The following OS9 variants were observed in gnomAD, a reference collection of about 807,000 sequenced individuals.
OS9 encodes protein OS-9.
A neutral mutation model predicts 84.7 loss-of-function variants in OS9; 58 were observed. That is an observed-to-expected ratio of 0.68 (90% CI 0.55 to 0.85). The LOEUF (loss-of-function observed/expected upper bound fraction) is 0.85. Among genes scored for constraint, OS9 ranks in the 40% least tolerant of loss-of-function variants. The pLI, the probability that OS9 is intolerant of heterozygous loss-of-function variation, is 0.00. For synonymous variants in OS9, 278 were observed against 320.8 expected (o/e 0.87, Z 1.43); for missense variants, 760 against 850.9 (o/e 0.89, Z 1.33).
chr12:57,702,216 T>C (rs1173917991), intron 5 of OS9, among the ~76,000 whole-genome samples: 1 of 152,206 alleles, frequency 6.6e-6, no homozygotes, highest in African/African-American at 2.4e-5. Flanking sequence ...TTTCCAAAAC[T>C]TTTTTCATCA....
At chr12:57,706,935 G>A (rs1260476236) in intron 5 of OS9, among the ~76,000 whole-genome samples, 2 of 150,532 alleles carry the variant, frequency 1.3e-5, no homozygotes, top group Non-Finnish European at 1.5e-5. Flanking sequence ...TGGGGGGATC[G>A]TTGTTGCTAC....
At chr12:57,720,608 A>T in intron 14 of OS9, 90 bp downstream of exon 14, 1 of 1,289,388 alleles carries the variant, frequency 7.8e-7, no homozygotes, top group Non-Finnish European at 1.1e-6. Flanking sequence ...CTGAGCTTCC[A>T]TTTCCTGATC....
chr12:57,712,705 C>T (rs1160178965), intron 5 of OS9, among the ~76,000 whole-genome samples: 1 of 151,944 alleles, frequency 6.6e-6, no homozygotes, highest in African/African-American at 2.4e-5. Context: ...AATTCCTGCC[C>T]TCCACCCCAT....
intron 5 of OS9, among the ~76,000 whole-genome samples, chr12:57,697,870 C>A (rs573535519): frequency 6.9e-6 from 1 of 145,342 alleles, no homozygotes; most frequent in South Asian, 2.2e-4. Context: ...CAAACACACA[C>A]ACACACACAC....
intron 5 of OS9, among the ~76,000 whole-genome samples, chr12:57,700,049 C>T (rs780923700): frequency 4.6e-5 from 7 of 151,356 alleles, no homozygotes; most frequent in Non-Finnish European, 8.8e-5. Context: ...GAGCTGATAT[C>T]GCACCATTGC....
At chr12:57,713,127 A>G (rs190463845) in intron 5 of OS9, among the ~76,000 whole-genome samples, 42 of 152,252 alleles carry the variant, frequency 2.8e-4, no homozygotes, top group Middle Eastern at 3.4e-3. Context: ...AGCTGTCCCA[A>G]GGTTTAGCCT....
At chr12:57,701,656 C>T (rs1954029707) in intron 5 of OS9, among the ~76,000 whole-genome samples, 1 of 152,110 alleles carries the variant, frequency 6.6e-6, no homozygotes, top group South Asian at 2.1e-4. Flanking sequence ...TGGGTTTCAA[C>T]TCTAATGCCC....
intron 5 of OS9, among the ~76,000 whole-genome samples, chr12:57,714,700 A>G (rs946096641): frequency 6.6e-6 from 1 of 152,134 alleles, no homozygotes; most frequent in African/African-American, 2.4e-5. Context: ...GGCTTAAGGG[A>G]TCTTCCTGCC....
At chr12:57,694,461 C>T (rs2140282102) in intron 1 of OS9, 138 bp downstream of exon 1, 1 of 954,224 alleles carries the variant, frequency 1.0e-6, no homozygotes. Context: ...ACGGTGACCC[C>T]TGGGGGTCGC....
Position 57,718,376 on chromosome 12 carries a change from G to A in OS9, c.1365G>A (p.Glu455=). Residue 455 remains glutamate, a synonymous_variant, in exon 11 of 15, where the codon GAG becomes GAA. Coordinates refer to ENST00000315970, the MANE Select transcript of OS9 (RefSeq NM_006812.4). ...CAGACCGAGACCGGCTCCGTTCGGA[G>A]GTGAAGGCTGGCATGGAGCGGGAAC... is the stretch of plus-strand genomic sequence containing the variant. ...LPSDRDRLRS[E]VKAGMERELE... 1 of 1,614,186 alleles carries A rather than the reference G, an allele frequency of 6.2e-7. No homozygotes were observed.
At position 57,694,302 on chromosome 12, in the gene OS9, G is replaced by T; in HGVS notation, c.141G>T (p.Pro47=). 6.2e-7 allele frequency: 1 copy of T among 1,614,124 alleles called. No homozygotes were observed. The highest frequency in any genetic ancestry group is 1.1e-5 in the South Asian group (1 of 91,074). The change falls in exon 1 of 15, where the codon CCG becomes CCT. Residue 47 remains proline (P), a synonymous_variant. Transcript: ENST00000315970. ...TGCGTTATGGGATCGAGATCCTGCCGTTGCCTGTCATGGGAGGGCAGGTGA... is the reference window on the plus strand; with the variant it reads ...TGCGTTATGGGATCGAGATCCTGCCTTTGCCTGTCATGGGAGGGCAGGTGA... ...SEMRYGIEIL[P]LPVMGGQSQS... is the part of the protein sequence containing the mutation.
At chr12:57,704,539 A>G (rs1448939767) in intron 5 of OS9, among the ~76,000 whole-genome samples, 3 of 150,420 alleles carry the variant, frequency 2.0e-5, no homozygotes, top group East Asian at 3.9e-4. Context: ...TCCATCTCCA[A>G]AAAAAAAAAG....
At chr12:57,719,944 CG>C in intron 12 of OS9, 154 bp from the exon 13 acceptor site, 1 of 678,482 alleles carries the variant, frequency 1.5e-6, no homozygotes. Context: ...CTGGGAGGGG[CG>C]GGGCACACAT....
rs114419550 is a variant in OS9 at position 57,719,776 on chromosome 12, C to T, written c.1601-323C>T. On this transcript the variant is annotated intron_variant, in intron 12 of 14. Transcript: ENST00000315970. Reference sequence around the variant, plus strand: ...CCAACATATGGAGGAGGAGACCACACTTTTCCAACCTGCTTCTTCAAACAG... The same window carrying T: ...CCAACATATGGAGGAGGAGACCACATTTTTCCAACCTGCTTCTTCAAACAG... 670 of 275,082 alleles carry T rather than the reference C, an allele frequency of 2.4e-3. 2 individuals carry two copies. Among genetic ancestry groups the T allele is most frequent in the African/African-American group, 0.014 (631 of 45,364 alleles). The allele number at this position is 275,082 out of a possible 1,614,324, so 17.0% of individuals were successfully genotyped here. A position where few individuals can be genotyped will look rare whatever the true frequency, so the allele number is the denominator to read the frequency against.
intron 14 of OS9, 116 bp downstream of exon 14, chr12:57,720,634 G>C (rs1342934384): frequency 7.9e-7 from 1 of 1,265,200 alleles, no homozygotes; most frequent in South Asian, 1.3e-5. Flanking sequence ...GACAAGGCTG[G>C]GGTTCCAGTG....
chr12:57,697,407 G>C (rs1953880026), intron 5 of OS9, among the ~76,000 whole-genome samples: 2 of 152,212 alleles, frequency 1.3e-5, no homozygotes, highest in Admixed American at 1.3e-4. Context: ...GGAGGTGATG[G>C]GAAGTAGTTG....
intron 5 of OS9, among the ~76,000 whole-genome samples, chr12:57,706,242 T>A (rs952931122): frequency 3.3e-5 from 5 of 152,208 alleles, no homozygotes; most frequent in African/African-American, 1.2e-4. Context: ...ACATGCTTAT[T>A]CTGTGTCTAT....
intron 5 of OS9, among the ~76,000 whole-genome samples, chr12:57,699,977 C>G (rs945111639): frequency 3.3e-5 from 5 of 152,028 alleles, no homozygotes; most frequent in African/African-American, 9.7e-5. Flanking sequence ...CGCCTGTAAT[C>G]CCAGCTACTC....
chr12:57,708,215 A>C (rs975657804), intron 5 of OS9, among the ~76,000 whole-genome samples: 4 of 152,236 alleles, frequency 2.6e-5, no homozygotes, highest in Non-Finnish European at 4.4e-5. Context: ...CTTGTCCCTC[A>C]TTAGCCTCTT....
Sources: gnomAD v4.1 joint callset for allele counts (sites outside exome capture counted in the v4.1 genomes callset) on GRCh38, gnomAD v4.1.1 for gene constraint, MANE v1.5 for transcripts, NCBI Gene and HGNC (gene_info 2026-07-23, HGNC 2026-07-21) for gene names.